CCDC18: variants seen among roughly 807,000 people sequenced by gnomAD.
The protein encoded by CCDC18 is coiled-coil domain containing 18.
A neutral mutation model predicts 196.0 loss-of-function variants in CCDC18; 157 were observed. That is an observed-to-expected ratio of 0.80 (90% CI 0.70 to 0.91). The LOEUF (loss-of-function observed/expected upper bound fraction) is 0.91, where lower values mean the gene tolerates loss of function less well. CCDC18 is among the 40% of genes least tolerant of loss of function. The pLI is 0.00. For synonymous variants in CCDC18, 482 were observed against 529.2 expected, an observed-to-expected ratio of 0.91 and a Z score of 1.22; for missense variants, 1,465 against 1,611.6, an observed-to-expected ratio of 0.91 and a Z score of 1.56.
intron 25 of CCDC18, 123 bp from the exon 26 acceptor site, chr1:93,258,625 C>T: frequency 3.0e-6 from 2 of 661,184 alleles, no homozygotes; most frequent in Non-Finnish European, 4.6e-6. Context: ...AGTAAGTTAA[C>T]TTTGTGTCTG....
chr1:93,183,209 A>T lies in CCDC18; in HGVS notation c.-2-151A>T, dbSNP rs540448427. 1,199 of 494,482 alleles carry T rather than the reference A, an allele frequency of 2.4e-3. 31 individuals carry two copies. The highest frequency in any genetic ancestry group is 5.2e-4 in the Admixed American group (13 of 25,098). 30.6% of individuals were successfully genotyped at this position (494,482 alleles called of 1,614,324 possible). On this transcript the variant is annotated intron_variant, in intron 1 of 28. Transcript: ENST00000690025. Reference sequence around the variant, plus strand: ...TTACACTACAGATAAATTCATTATTATTGATTTTTTGTTTTGTTTTAAACC... The same window carrying T: ...TTACACTACAGATAAATTCATTATTTTTGATTTTTTGTTTTGTTTTAAACC...
intron 6 of CCDC18, among the ~76,000 whole-genome samples, chr1:93,200,595 C>A (rs1653661220): frequency 6.6e-6 from 1 of 152,184 alleles, no homozygotes; most frequent in Non-Finnish European, 1.5e-5. Context: ...GATAGGGTTA[C>A]CTCTGTTGGA....
intron 14 of CCDC18, among the ~76,000 whole-genome samples, chr1:93,218,535 A>G (rs1656872128): frequency 6.7e-6 from 1 of 148,388 alleles, no homozygotes; most frequent in Non-Finnish European, 1.5e-5. Flanking sequence ...TTTGAGATAG[A>G]GTCTCGCTCT....
chr1:93,206,028 CG>C (rs1178065135), intron 8 of CCDC18, among the ~76,000 whole-genome samples: 1 of 152,002 alleles, frequency 6.6e-6, no homozygotes, highest in African/African-American at 2.4e-5. Context: ...ACAGAAGCCC[CG>C]AGAGTAGCCA....
intron 27 of CCDC18, among the ~76,000 whole-genome samples, chr1:93,267,389 G>A (rs933762618): frequency 6.6e-6 from 1 of 152,146 alleles, no homozygotes; most frequent in Non-Finnish European, 1.5e-5. Context: ...CACAAGACAG[G>A]GGTGCCCTCT....
At chr1:93,234,158 T>C (rs1308587448) in intron 18 of CCDC18, among the ~76,000 whole-genome samples, 1 of 152,094 alleles carries the variant, frequency 6.6e-6, no homozygotes, top group African/African-American at 2.4e-5. Context: ...AAGTTCACTT[T>C]TTTTTCTTTT....
chr1:93,270,363 G>T lies in CCDC18; in HGVS notation c.3902G>T (p.Arg1301Ile), dbSNP rs1286381782. 5.2e-6 allele frequency: 8 copies of T among 1,548,074 alleles called. No homozygotes were observed. In the East Asian group the frequency reaches 2.0e-4, roughly 38 times the overall value. Residue 1301 changes from arginine (R) to isoleucine (I), a missense_variant, in exon 28 of 29, where the codon AGA becomes ATA. Arg to Ile is a moderately conservative substitution (Grantham distance 97). Coordinates refer to ENST00000690025, the MANE Select transcript of CCDC18 (RefSeq NM_001378204.1). ...TATCTGCAGGAATCAGAATTAACCA[G>T]ATTACAGGCCAAAATTTCTGGACAT... ...ALLTKESELT[R>I]LQAKISGHEK...
At chr1:93,215,843 G>A (rs1417484122) in intron 12 of CCDC18, among the ~76,000 whole-genome samples, 5 of 152,122 alleles carry the variant, frequency 3.3e-5, no homozygotes, top group Admixed American at 6.5e-5. Flanking sequence ...AAACAACTAC[G>A]CAAGGAATTA....
rs1659437517 is a variant in CCDC18 at position 93,232,722 on chromosome 1, G to A, written c.2460+129G>A. 3 of 674,680 alleles carry A rather than the reference G, an allele frequency of 4.4e-6. No individual in the cohort carries two copies. In the Admixed American group the frequency reaches 9.5e-5, roughly 21 times the overall value. 41.8% of individuals were successfully genotyped at this position (674,680 alleles called of 1,614,324 possible). Reference sequence around the variant, plus strand: ...GCCGTGGCTCGTGCCCATAATTCCAGCACTTTGGGAGGCTGAGGCAGGCGG... The same window carrying A: ...GCCGTGGCTCGTGCCCATAATTCCAACACTTTGGGAGGCTGAGGCAGGCGG... On this transcript the variant is annotated intron_variant, in intron 18 of 28. Transcript: ENST00000690025.
At chr1:93,180,966 G>A (rs76205214) in intron 1 of CCDC18, 114 bp downstream of exon 1, 20,542 of 1,031,914 alleles carry the variant, frequency 0.02, 235 homozygotes, top group Non-Finnish European at 0.024. Context: ...TGGATGCGCT[G>A]GGACTGGTCC....
intron 18 of CCDC18, among the ~76,000 whole-genome samples, chr1:93,233,505 G>A (rs756447398): frequency 9.2e-5 from 14 of 151,526 alleles, no homozygotes; most frequent in African/African-American, 3.2e-4. Flanking sequence ...TCATTTTTTC[G>A]GTCTTTTATC....
chr1:93,216,974 G>A (rs866280770), intron 13 of CCDC18, among the ~76,000 whole-genome samples: 18 of 129,286 alleles, frequency 1.4e-4, no homozygotes, highest in African/African-American at 4.0e-4. Context: ...TCACTCCGTC[G>A]CCCAGGCTGG....
chr1:93,266,759 C>A (rs754755806), intron 27 of CCDC18, among the ~76,000 whole-genome samples: 4 of 152,176 alleles, frequency 2.6e-5, no homozygotes, highest in Non-Finnish European at 5.9e-5. Context: ...AGTTGAATCC[C>A]TGAGTAGACC....
chr1:93,205,496 A>C lies in CCDC18; in HGVS notation c.796-14A>C. On this transcript the variant is annotated splice_polypyrimidine_tract_variant and intron_variant, in intron 7 of 28. Coordinates refer to ENST00000690025, the MANE Select transcript of CCDC18 (RefSeq NM_001378204.1). ...ACAACCACATTAGTATGTCCACTTA[A>C]ATTATTGTTTTAGGTTCAAGCTGAA... 1 of 1,569,006 alleles carries C rather than the reference A, an allele frequency of 6.4e-7. No individual in the cohort carries two copies. The highest frequency in any genetic ancestry group is 8.6e-7 in the Non-Finnish European group (1 of 1,160,716).
chr1:93,204,761 T>G (rs1308982442), intron 7 of CCDC18, among the ~76,000 whole-genome samples: 7 of 152,046 alleles, frequency 4.6e-5, no homozygotes, highest in Admixed American at 3.9e-4. Flanking sequence ...TTTTAAATTT[T>G]ATTATTATTA....
At chr1:93,216,440 A>G (rs1373176203) in intron 12 of CCDC18, among the ~76,000 whole-genome samples, 196 bp from the exon 13 acceptor site, 2 of 152,182 alleles carry the variant, frequency 1.3e-5, no homozygotes, top group Non-Finnish European at 2.9e-5. Flanking sequence ...ATTGTCACTT[A>G]TTTTGTAAAA....
chr1:93,261,773 C>T (rs1403244453), intron 26 of CCDC18, among the ~76,000 whole-genome samples: 1 of 152,036 alleles, frequency 6.6e-6, no homozygotes, highest in Non-Finnish European at 1.5e-5. Context: ...ATAATTATTT[C>T]ATCTGTAAAT....
chr1:93,268,239 C>T (rs1399949733), intron 27 of CCDC18, among the ~76,000 whole-genome samples: 5 of 152,218 alleles, frequency 3.3e-5, no homozygotes, highest in Admixed American at 6.5e-5. Context: ...AAAGGTGAAA[C>T]TGGATCCCTT....
At chr1:93,260,206 A>G (rs1663592865) in intron 26 of CCDC18, among the ~76,000 whole-genome samples, 1 of 152,166 alleles carries the variant, frequency 6.6e-6, no homozygotes. Context: ...CAACATGGCA[A>G]AACCCCGTCT....
Sources: allele counts gnomAD v4.1 joint callset (sites outside exome capture counted in the v4.1 genomes callset), GRCh38; gene constraint gnomAD v4.1.1; transcripts MANE v1.5; gene names NCBI Gene and HGNC (gene_info 2026-07-23, HGNC 2026-07-21).